STK3: variants seen among roughly 807,000 people sequenced by gnomAD.
STK3 encodes serine/threonine-protein kinase 3.
A neutral mutation model predicts 58.0 loss-of-function variants in STK3; 41 were observed. The ratio of observed to expected loss-of-function variants is 0.71; its 90% CI spans 0.55 to 0.92. The LOEUF (loss-of-function observed/expected upper bound fraction) is 0.92. Among genes scored for constraint, STK3 ranks in the 40% least tolerant of loss-of-function variants. The pLI is 0.00. For synonymous variants in STK3, 170 were observed against 191.0 expected (o/e 0.89, Z 0.91); for missense variants, 479 against 602.7 (o/e 0.79, Z 2.15).
intron 1 of STK3, among the ~76,000 whole-genome samples, chr8:98,915,061 G>A (rs1488874932): frequency 1.3e-5 from 2 of 151,936 alleles, no homozygotes. Context: ...AGGAAAGGGT[G>A]GTTGTGATGG....
At chr8:98,869,689 A>G (rs1284730371) in intron 3 of STK3, among the ~76,000 whole-genome samples, 3 of 152,106 alleles carry the variant, frequency 2.0e-5, no homozygotes, top group Non-Finnish European at 4.4e-5. Context: ...CCGTCCTGCC[A>G]AATCTTTTAT....
the STK3 span, among the ~76,000 whole-genome samples, chr8:98,363,407 C>G: frequency 1.3e-5 from 2 of 152,084 alleles, no homozygotes; most frequent in Non-Finnish European, 2.9e-5. Flanking sequence ...GTAGAAAGAG[C>G]AATGGACAAG....
intron 1 of STK3, among the ~76,000 whole-genome samples, chr8:98,907,417 G>A (rs977356436): frequency 6.6e-6 from 1 of 151,782 alleles, no homozygotes; most frequent in African/African-American, 2.4e-5. Context: ...GGAGGCTAAG[G>A]CAGGAGAATC....
At chr8:98,687,383 G>A (rs1029445178) in intron 6 of STK3, among the ~76,000 whole-genome samples, 3 of 152,148 alleles carry the variant, frequency 2.0e-5, no homozygotes, top group Non-Finnish European at 2.9e-5. Context: ...TTCACAAAAG[G>A]GTTCACGCTC....
At chr8:98,677,012 T>C (rs1210246745) in intron 6 of STK3, among the ~76,000 whole-genome samples, 6 of 152,194 alleles carry the variant, frequency 3.9e-5, no homozygotes, top group African/African-American at 1.4e-4. Flanking sequence ...CTGGCAACCA[T>C]ATAAAATGCT....
In STK3 at chr8:98,938,974, C is replaced by G. The variant is rs569614665; in HGVS notation, c.-79+3404G>C. 2.6e-5 allele frequency among the ~76,000 whole-genome samples: 4 copies of G among 152,158 alleles called. No homozygotes were observed. In the South Asian group the frequency reaches 8.3e-4, roughly 32 times the overall value. The stretch of plus-strand genomic sequence containing the variant: ...ATAATACTAATTAACAACAACTGGC[C>G]GTGAAAGAAGGCACCCGCACTTTTT... On this transcript the variant is annotated intron_variant, in intron 1 of 1. Transcript: ENST00000519420.
At chr8:98,513,990 T>G (rs977468171) in intron 10 of STK3, among the ~76,000 whole-genome samples, 6 of 152,152 alleles carry the variant, frequency 3.9e-5, no homozygotes, top group African/African-American at 1.4e-4. Context: ...CATCATATTG[T>G]CAGAGACATT....
At chr8:98,566,218 A>C (rs1316076931) in intron 8 of STK3, among the ~76,000 whole-genome samples, 1 of 152,180 alleles carries the variant, frequency 6.6e-6, no homozygotes, top group African/African-American at 2.4e-5. Flanking sequence ...AGATTTGTTT[A>C]TAATAGTTAC....
At chr8:98,580,292 T>C (rs183085096) in intron 7 of STK3, among the ~76,000 whole-genome samples, 5 of 152,232 alleles carry the variant, frequency 3.3e-5, no homozygotes, top group Admixed American at 3.3e-4. Flanking sequence ...GACAAAAATA[T>C]TTTTTCAGAA....
At chr8:98,715,805 A>T (rs1465373340) in intron 4 of STK3, among the ~76,000 whole-genome samples, 2 of 152,222 alleles carry the variant, frequency 1.3e-5, no homozygotes. Context: ...GGATTATAAA[A>T]CATACTGCTA....
intron 4 of STK3, among the ~76,000 whole-genome samples, chr8:98,747,004 T>C (rs1031486401): frequency 6.7e-6 from 1 of 150,228 alleles, no homozygotes; most frequent in Non-Finnish European, 1.5e-5. Flanking sequence ...ATCACACCAC[T>C]GCATTCTAGC....
chr8:98,481,946 T>C (rs1821889180), intron 10 of STK3, among the ~76,000 whole-genome samples: 1 of 152,200 alleles, frequency 6.6e-6, no homozygotes, highest in Non-Finnish European at 1.5e-5. Context: ...GTAACATGTA[T>C]TCAACTGAAG....
At chr8:98,635,271 A>G (rs1587107019) in intron 6 of STK3, among the ~76,000 whole-genome samples, 1 of 152,180 alleles carries the variant, frequency 6.6e-6, no homozygotes, top group East Asian at 1.9e-4. Flanking sequence ...CATATGTTGT[A>G]ATTATTGTTG....
chr8:98,899,787 C>A (rs564802057), intron 1 of STK3, among the ~76,000 whole-genome samples: 26 of 152,242 alleles, frequency 1.7e-4, no homozygotes, highest in Admixed American at 1.2e-3. Context: ...CTTCCCATAG[C>A]CAGTTAACGT....
At chr8:98,517,076 T>C (rs1056187961) in intron 10 of STK3, among the ~76,000 whole-genome samples, 1 of 152,066 alleles carries the variant, frequency 6.6e-6, no homozygotes, top group Admixed American at 6.6e-5. Context: ...AAAGGTCTGT[T>C]GAGAACCATG....
intron 6 of STK3, among the ~76,000 whole-genome samples, chr8:98,661,287 G>A (rs1194894669): frequency 2.0e-5 from 3 of 152,078 alleles, no homozygotes; most frequent in African/African-American, 7.2e-5. Flanking sequence ...ATCTGTGGTA[G>A]ATGAACTATC....
chr8:98,542,955 G>A (rs1359464011), intron 9 of STK3, among the ~76,000 whole-genome samples: 1 of 152,136 alleles, frequency 6.6e-6, no homozygotes, highest in Non-Finnish European at 1.5e-5. Context: ...CTTACCAAGT[G>A]CTAGGTATTG....
intron 8 of STK3, among the ~76,000 whole-genome samples, chr8:98,560,336 G>C (rs1270150086): frequency 6.6e-6 from 1 of 151,832 alleles, no homozygotes; most frequent in Non-Finnish European, 1.5e-5. Flanking sequence ...AAAACTCCTA[G>C]AACTAATAAA....
At chr8:98,591,229 C>T (rs765087842) in intron 7 of STK3, among the ~76,000 whole-genome samples, 5 of 152,126 alleles carry the variant, frequency 3.3e-5, no homozygotes, top group South Asian at 2.1e-4. Context: ...GTGAGCTATG[C>T]GATCATGAGG....
Sources: allele counts gnomAD v4.1 joint callset (sites outside exome capture counted in the v4.1 genomes callset), GRCh38; gene constraint gnomAD v4.1.1; transcripts MANE v1.5; gene names NCBI Gene and HGNC (gene_info 2026-07-23, HGNC 2026-07-21).